Variants in KDM2B observed in about 807,000 individuals in gnomAD.
KDM2B encodes the protein lysine demethylase 2B, also known as lysine-specific demethylase 2B.
KDM2B carries 26 observed loss-of-function variants against 150.0 expected under a neutral mutation model. The observed-to-expected ratio is 0.17, with a 90% CI of 0.13 to 0.24. The LOEUF is 0.24. Among genes scored for constraint, KDM2B ranks in the 10% least tolerant of loss-of-function variants. The pLI, the probability that KDM2B is intolerant of heterozygous loss-of-function variation, is 1.00. For missense variants in KDM2B, 1,265 were observed against 1,816.9 expected (o/e 0.70, Z 5.52); for synonymous variants, 734 against 729.5 (o/e 1.01, Z -0.10).
intron 12 of KDM2B, among the ~76,000 whole-genome samples, chr12:121,481,547 G>T (rs1208492785): frequency 1.3e-5 from 2 of 150,512 alleles, no homozygotes; most frequent in Admixed American, 1.3e-4. Flanking sequence ...GGGGGGGTGG[G>T]GGCGGGGAAT....
chr12:121,446,812 A>G (rs782462174), intron 13 of KDM2B, among the ~76,000 whole-genome samples: 29 of 152,248 alleles, frequency 1.9e-4, no homozygotes, highest in Admixed American at 4.6e-4. Flanking sequence ...CAATACTGAG[A>G]GACTTTTCCA....
At chr12:121,554,664 G>C (rs995246472) in intron 4 of KDM2B, among the ~76,000 whole-genome samples, 1 of 152,098 alleles carries the variant, frequency 6.6e-6, no homozygotes, top group Non-Finnish European at 1.5e-5. Context: ...ACCTGCCTCA[G>C]CCTCCCAAAG....
intron 22 of KDM2B, 82 bp downstream of exon 22, chr12:121,439,759 CCACATAGCTGTAGACA>C: frequency 1.1e-6 from 1 of 874,764 alleles, no homozygotes; most frequent in East Asian, 2.6e-5. Context: ...AGCACTGTGA[CCACATAGCTGTAGACA>C]CACGAATCGT....
chr12:121,453,393 G>C lies in KDM2B; in HGVS notation c.1735-49C>G. On this transcript the variant is annotated intron_variant, in intron 12 of 22. Coordinates refer to ENST00000377071, the MANE Select transcript of KDM2B (RefSeq NM_032590.5). This position sits in a 1 kb window ranked among gnomAD's most constrained non-coding sequence, Gnocchi z 6.4. ...GTCAGATGGGGAGACTGCAGGCACG[G>C]CCAGACCCCCGGAAAGGGTGTTAGG... 6.9e-7 allele frequency: 1 copy of C among 1,444,286 alleles called. No individual in the cohort carries two copies. 89.5% of individuals were successfully genotyped at this position (1,444,286 alleles called of 1,614,324 possible).
chr12:121,419,947 T>C, the KDM2B span: 1 of 298,158 alleles, frequency 3.4e-6, no homozygotes, highest in Non-Finnish European at 6.6e-6. Context: ...TCCCATATCC[T>C]TAATGGCTTT....
chr12:121,579,737 A>C (rs1594174932), intron 1 of KDM2B: 7 of 1,071,672 alleles, frequency 6.5e-6, no homozygotes, highest in Middle Eastern at 2.8e-4. Flanking sequence ...TCAGCCCCCC[A>C]GATTCCGGGC....
In KDM2B at chr12:121,580,938, A is replaced by G; in HGVS notation, c.-27T>C. 1.2e-6 allele frequency: 2 copies of G among 1,610,970 alleles called. No individual in the cohort carries two copies. Among genetic ancestry groups the G allele is most frequent in the Non-Finnish European group, 1.7e-6 (2 of 1,178,948 alleles). On this transcript the variant is annotated 5_prime_UTR_variant, in exon 1 of 23. Coordinates refer to ENST00000377071, the MANE Select transcript of KDM2B (RefSeq NM_032590.5). ...TGGAGGAGGCATTTGGGGGGCTCAGAAGGAAATTAGCTCGGCTTCCATACC... is the reference window on the plus strand; with the variant it reads ...TGGAGGAGGCATTTGGGGGGCTCAGGAGGAAATTAGCTCGGCTTCCATACC...
intron 12 of KDM2B, among the ~76,000 whole-genome samples, chr12:121,485,363 C>T (rs983118890): frequency 6.6e-6 from 1 of 152,070 alleles, no homozygotes; most frequent in Non-Finnish European, 1.5e-5. Flanking sequence ...AACCCGAAGT[C>T]GCCCTGTAAA....
chr12:121,570,731 A>T (rs1490858177), intron 4 of KDM2B, among the ~76,000 whole-genome samples: 1 of 152,188 alleles, frequency 6.6e-6, no homozygotes, highest in Non-Finnish European at 1.5e-5. Context: ...GGAGTGTAAA[A>T]TGACACAGCT....
intron 4 of KDM2B, among the ~76,000 whole-genome samples, chr12:121,564,677 C>T (rs1038263077): frequency 6.6e-6 from 1 of 151,974 alleles, no homozygotes; most frequent in African/African-American, 2.4e-5. Context: ...TAGAAAACTC[C>T]GTATAATAAA....
Position 121,429,716 on chromosome 12 carries a change from A to G in KDM2B, c.*572T>C. 1 of 422,322 alleles carries G rather than the reference A, an allele frequency of 2.4e-6. No individual in the cohort carries two copies. 26.2% of individuals were successfully genotyped at this position (422,322 alleles called of 1,614,324 possible). A position where few individuals can be genotyped will look rare whatever the true frequency, so the allele number is the denominator to read the frequency against. On this transcript the variant is annotated 3_prime_UTR_variant, in exon 23 of 23. Coordinates refer to ENST00000377071, the MANE Select transcript of KDM2B (RefSeq NM_032590.5). ...TGAAGTACACGTTAAATTCTCTCCT[A>G]CCTTAAGGAAATCAGGAAAATTGGC...
the KDM2B span, among the ~76,000 whole-genome samples, chr12:121,413,750 G>A: frequency 3.3e-5 from 5 of 151,658 alleles, no homozygotes; most frequent in African/African-American, 1.2e-4. Context: ...CTAATTTTTT[G>A]TATTTTTAGT....
chr12:121,486,370 G>A (rs1339516407), intron 12 of KDM2B, among the ~76,000 whole-genome samples: 3 of 82,218 alleles, frequency 3.6e-5, no homozygotes, highest in Admixed American at 1.6e-4. Flanking sequence ...TAGGGGAAAC[G>A]GGGTTTCATC....
chr12:121,473,996 T>C (rs186704803), intron 12 of KDM2B, among the ~76,000 whole-genome samples: 1 of 152,172 alleles, frequency 6.6e-6, no homozygotes, highest in Admixed American at 6.6e-5. Flanking sequence ...CCACATATTG[T>C]ATGATGCCAT....
intron 14 of KDM2B, 67 bp downstream of exon 14, chr12:121,445,208 C>A: frequency 6.4e-7 from 1 of 1,561,416 alleles, no homozygotes; most frequent in Non-Finnish European, 8.7e-7. Context: ...CACCATCTCA[C>A]CAGCATCTCC....
At chr12:121,413,772 T>A in the KDM2B span, among the ~76,000 whole-genome samples, 1 of 151,934 alleles carries the variant, frequency 6.6e-6, no homozygotes, top group East Asian at 1.9e-4. Context: ...GAGACAGGTT[T>A]CACCGTGTTG....
rs1025281877 is a variant in KDM2B, at chr12:121,442,448, C to G, written c.2993G>C (p.Ser998Thr). 4.4e-6 allele frequency: 7 copies of G among 1,599,978 alleles called. No individual in the cohort carries two copies. The highest frequency in any genetic ancestry group is 1.3e-5 in the African/African-American group (1 of 75,026). Residue 998 changes from serine to threonine, a missense_variant, in exon 19 of 23, where the codon AGC (serine) becomes ACC (threonine). Transcript: ENST00000377071. The surrounding 1 kb of genome is among the most constrained non-coding windows in gnomAD (Gnocchi z 7.7). The part of the protein sequence containing the change: ...PGICERPHRF[S>T]KGLNGTPREL... ...CCGGGGGGTGCCGTTGAGCCCCTTGCTGAAGCGGTGGGGACGCTCGCAGAT... is the reference window on the plus strand; with the variant it reads ...CCGGGGGGTGCCGTTGAGCCCCTTGGTGAAGCGGTGGGGACGCTCGCAGAT...
intron 4 of KDM2B, 22 bp downstream of exon 4, chr12:121,574,525 A>C (rs1891361721): frequency 6.2e-7 from 1 of 1,612,370 alleles, no homozygotes; most frequent in Non-Finnish European, 8.5e-7. Context: ...TGTCTGAGCC[A>C]CACACACGGC....
chr12:121,541,729 A>G (rs1346355550), intron 6 of KDM2B, among the ~76,000 whole-genome samples: 8 of 152,144 alleles, frequency 5.3e-5, no homozygotes, highest in Admixed American at 5.2e-4. Flanking sequence ...CCTATGCTTT[A>G]TGTGGGGTCC....
Sources: gnomAD v4.1 joint callset for allele counts (sites outside exome capture counted in the v4.1 genomes callset) on GRCh38, gnomAD v4.1.1 for gene constraint, Gnocchi (gnomAD v3.1) non-coding constraint, MANE v1.5 for transcripts, NCBI Gene and HGNC (gene_info 2026-07-23, HGNC 2026-07-21) for gene names.